STARD13: variants seen among roughly 807,000 people sequenced by gnomAD.
The protein encoded by STARD13 is StAR related lipid transfer domain containing 13, also known as stAR-related lipid transfer protein 13.
In STARD13, 62 loss-of-function variants were observed where a neutral mutation model predicts 106.4. The ratio of observed to expected loss-of-function variants is 0.58; its 90% CI spans 0.48 to 0.72. The LOEUF is 0.72. Ranked by LOEUF, STARD13 falls within the 30% of genes least tolerant of loss-of-function variation. The pLI is 0.00. For missense variants in STARD13, 1,387 were observed against 1,424.0 expected (o/e 0.97, Z 0.42); for synonymous variants, 565 against 553.0 (o/e 1.02, Z -0.31).
chr13:33,402,205 A>C, the STARD13 span, among the ~76,000 whole-genome samples: 4 of 152,242 alleles, frequency 2.6e-5, no homozygotes, highest in South Asian at 8.3e-4. Flanking sequence ...TATTTTGCAC[A>C]CAGAAGGTGT....
At chr13:33,519,221 T>TTTCTTTCC in the STARD13 span, among the ~76,000 whole-genome samples, 8 of 136,116 alleles carry the variant, frequency 5.9e-5, no homozygotes, top group African/African-American at 1.4e-4. Context: ...TCTTTCTTTC[T>TTTCTTTCC]TTCTTTCTTT....
chr13:33,319,856 T>C lies in STARD13; in HGVS notation c.124+30434A>G, dbSNP rs540712470. On this transcript the variant is annotated intron_variant, in intron 1 of 5. Coordinates refer to the STARD13 transcript ENST00000567873. ...AAAAGGAACCAGATGCATACTTGTG[T>C]ACTCCTTGCTGTATTTTGGATATAG... 2.6e-5 allele frequency among the ~76,000 whole-genome samples: 4 copies of C among 152,366 alleles called. No homozygotes were observed. The South Asian group carries it at 8.3e-4, about 32-fold the overall frequency.
At chr13:33,488,776 C>T in the STARD13 span, among the ~76,000 whole-genome samples, 17 of 152,356 alleles carry the variant, frequency 1.1e-4, no homozygotes, top group Middle Eastern at 3.4e-3. Flanking sequence ...ATACCAACTT[C>T]TCTCTGTAGC....
chr13:33,604,416 A>T, the STARD13 span, among the ~76,000 whole-genome samples: 1 of 152,232 alleles, frequency 6.6e-6, no homozygotes. Flanking sequence ...CTTAGGAGAA[A>T]CCAGAAAGAA....
At chr13:33,215,759 T>C (rs1044310966) in intron 1 of STARD13, among the ~76,000 whole-genome samples, 1 of 152,176 alleles carries the variant, frequency 6.6e-6, no homozygotes, top group Non-Finnish European at 1.5e-5. Context: ...AAACTTTTTG[T>C]GATCAAAAAT....
intron 1 of STARD13, among the ~76,000 whole-genome samples, chr13:33,322,011 T>C (rs79439041): frequency 0.06 from 9,172 of 152,316 alleles, 388 homozygotes; most frequent in Middle Eastern, 0.096. Context: ...TGAATTCTTC[T>C]GCTATGACTT....
chr13:33,319,684 G>A (rs1030409212), intron 1 of STARD13, among the ~76,000 whole-genome samples: 1 of 152,186 alleles, frequency 6.6e-6, no homozygotes, highest in Non-Finnish European at 1.5e-5. Flanking sequence ...CTGTCTTGGT[G>A]TGGGTCAATC....
chr13:33,262,992 C>T (rs1890725102), intron 1 of STARD13, among the ~76,000 whole-genome samples: 1 of 152,132 alleles, frequency 6.6e-6, no homozygotes, highest in African/African-American at 2.4e-5. Flanking sequence ...AGACATGAGA[C>T]CGAAGATCTC....
rs774590949 is a variant in STARD13 at position 33,126,063 on chromosome 13, G to C, written c.2082+18C>G. On this transcript the variant is annotated intron_variant, in intron 7 of 13. Transcript: ENST00000336934. ...GGTTGGGGGTGGTGGGGCAGCAGCG[G>C]GGGGGTTACAGCCCTACCTGATCGA... 4 of 1,611,612 alleles carry C rather than the reference G, an allele frequency of 2.5e-6. No individual in the cohort carries two copies. Among genetic ancestry groups the C allele is most frequent in the East Asian group, 2.2e-5 (1 of 44,772 alleles).
chr13:33,247,383 G>T (rs1179539678), intron 1 of STARD13, among the ~76,000 whole-genome samples: 1 of 151,984 alleles, frequency 6.6e-6, no homozygotes, highest in Non-Finnish European at 1.5e-5. Flanking sequence ...GGGGCAACGT[G>T]ATGAGCACTG....
In STARD13 at chr13:33,294,258, G is replaced by T. The variant is rs371757756; in HGVS notation, c.124+56032C>A. Among the ~76,000 whole-genome samples the T allele has an allele frequency of 1.3e-3, 205 of 152,350 alleles. 2 individuals are homozygous for T. Among genetic ancestry groups the T allele is most frequent in the African/African-American group, 4.7e-3 (197 of 41,586 alleles). On this transcript the variant is annotated intron_variant, in intron 1 of 5. Coordinates refer to the STARD13 transcript ENST00000567873. ...CCAGCTACATTCAGCTGACCCTACA[G>T]ATACCTCTTCTGAGGGACTTCAGTC...
At chr13:33,264,120 C>T (rs1890779573) in intron 1 of STARD13, among the ~76,000 whole-genome samples, 1 of 152,172 alleles carries the variant, frequency 6.6e-6, no homozygotes, top group Non-Finnish European at 1.5e-5. Flanking sequence ...AGGCAGCATC[C>T]ACTGCCAGTC....
intron 5 of STARD13, among the ~76,000 whole-genome samples, chr13:33,127,884 T>A (rs36196684): frequency 0.54 from 81,019 of 149,480 alleles, 22,710 homozygotes; most frequent in Non-Finnish European, 0.63. Flanking sequence ...TGTGTGTATG[T>A]GAGAGAGAGA....
intron 1 of STARD13, 115 bp downstream of exon 1, chr13:33,285,355 A>G (rs927300324): frequency 8.7e-7 from 1 of 1,148,234 alleles, no homozygotes; most frequent in African/African-American, 1.6e-5. Context: ...GTAGTGTGGC[A>G]TAGAAATCCA....
At chr13:33,403,210 G>T in the STARD13 span, among the ~76,000 whole-genome samples, 1 of 152,202 alleles carries the variant, frequency 6.6e-6, no homozygotes, top group Non-Finnish European at 1.5e-5. Context: ...CAACAACGAT[G>T]ACCGAACAGG....
chr13:33,106,018 C>T (rs1172220302), intron 13 of STARD13, among the ~76,000 whole-genome samples: 1 of 152,222 alleles, frequency 6.6e-6, no homozygotes, highest in Non-Finnish European at 1.5e-5. Flanking sequence ...TTTTGTCTAC[C>T]CAGACCAAGA....
intron 1 of STARD13, among the ~76,000 whole-genome samples, chr13:33,342,053 C>T (rs939223585): frequency 3.9e-5 from 6 of 152,140 alleles, no homozygotes; most frequent in Non-Finnish European, 5.9e-5. Flanking sequence ...GGACAGCTTC[C>T]CTAAGTGCTG....
intron 1 of STARD13, chr13:33,335,252 T>C (rs1408622731): frequency 1.3e-5 from 2 of 152,228 alleles, no homozygotes; most frequent in African/African-American, 4.8e-5. Context: ...ATTCATAGAC[T>C]AACACTTAGC....
At chr13:33,599,326 C>T in the STARD13 span, among the ~76,000 whole-genome samples, 1 of 152,158 alleles carries the variant, frequency 6.6e-6, no homozygotes, top group Non-Finnish European at 1.5e-5. Flanking sequence ...CCAAAGAATA[C>T]CTGAAACTCT....
Sources: gnomAD v4.1 joint callset for allele counts (sites outside exome capture counted in the v4.1 genomes callset) on GRCh38, gnomAD v4.1.1 for gene constraint, MANE v1.5 for transcripts, NCBI Gene and HGNC (gene_info 2026-07-23, HGNC 2026-07-21) for gene names.